SEM1: variants seen among roughly 807,000 people sequenced by gnomAD.
The protein encoded by SEM1 is 26S proteasome complex subunit SEM1.
SEM1 carries 3 observed loss-of-function variants against 12.7 expected under a neutral mutation model. That is an observed-to-expected ratio of 0.24 (90% CI 0.11 to 0.61). The LOEUF (loss-of-function observed/expected upper bound fraction) is 0.61. Among genes scored for constraint, SEM1 ranks in the 20% least tolerant of loss-of-function variants. The pLI, the probability that SEM1 is intolerant of heterozygous loss-of-function variation, is 0.88. For synonymous variants in SEM1, 30 were observed against 27.8 expected (o/e 1.08, Z -0.25); for missense variants, 59 against 81.3 (o/e 0.73, Z 1.06).
At chr7:96,702,921 T>A (rs1172636626) in intron 1 of SEM1, among the ~76,000 whole-genome samples, 1 of 152,198 alleles carries the variant, frequency 6.6e-6, no homozygotes, top group Non-Finnish European at 1.5e-5. Context: ...GCCTGTAGTC[T>A]TCTAAAGTGT....
At chr7:96,673,785 A>T in exon 3 of SEM1, 1 of 765,270 alleles carries the variant, frequency 1.3e-6, no homozygotes, top group Non-Finnish European at 2.4e-6. Flanking sequence ...AGCACTGCAC[A>T]TTCTTCCCTT....
intron 1 of SEM1, among the ~76,000 whole-genome samples, chr7:96,705,885 C>A (rs1563122048): frequency 6.6e-6 from 1 of 151,896 alleles, no homozygotes; most frequent in Non-Finnish European, 1.5e-5. Flanking sequence ...TCACCACCAA[C>A]CTGACCGTAT....
At chr7:96,536,108 C>A (rs942443876) in intron 2 of SEM1, among the ~76,000 whole-genome samples, 4 of 151,872 alleles carry the variant, frequency 2.6e-5, no homozygotes, top group East Asian at 1.9e-4. Context: ...TTCTCTGCAA[C>A]CTCATCAGCA....
chr7:96,579,754 CAT>C (rs1242454389), intron 2 of SEM1, among the ~76,000 whole-genome samples: 1 of 152,094 alleles, frequency 6.6e-6, no homozygotes, highest in South Asian at 2.1e-4. Context: ...TGAAACTACA[CAT>C]GTGATTAAAT....
intron 2 of SEM1, among the ~76,000 whole-genome samples, chr7:96,516,978 C>T (rs1804114312): frequency 6.6e-6 from 1 of 152,048 alleles, no homozygotes; most frequent in South Asian, 2.1e-4. Flanking sequence ...TCTGAAAAGC[C>T]TACATACTGT....
chr7:96,545,183 A>G (rs1805069209), intron 2 of SEM1, among the ~76,000 whole-genome samples: 1 of 151,970 alleles, frequency 6.6e-6, no homozygotes, highest in South Asian at 2.1e-4. Flanking sequence ...TTATGATCCC[A>G]AAGAAAATCT....
intron 2 of SEM1, among the ~76,000 whole-genome samples, chr7:96,666,974 TG>T (rs1423330226): frequency 6.6e-6 from 1 of 152,154 alleles, no homozygotes; most frequent in African/African-American, 2.4e-5. Flanking sequence ...ATATTACTTC[TG>T]CCAAGTAAAA....
chr7:96,682,577 A>G (rs942159198), intron 2 of SEM1, among the ~76,000 whole-genome samples: 2 of 151,978 alleles, frequency 1.3e-5, no homozygotes, highest in African/African-American at 4.8e-5. Flanking sequence ...ACCCTAAAAG[A>G]AAACCTAGGC....
chr7:96,486,490 C>T (rs1802775118), intron 1 of SEM1: 3 of 1,208,086 alleles, frequency 2.5e-6, no homozygotes, highest in South Asian at 1.3e-5. Flanking sequence ...GCACCTGTTC[C>T]ACCTGGCCCT....
chr7:96,548,007 G>A (rs534935632), intron 2 of SEM1, among the ~76,000 whole-genome samples: 1 of 151,768 alleles, frequency 6.6e-6, no homozygotes. Context: ...AGGTACACTG[G>A]GCAAAAAATA....
chr7:96,560,495 AGT>A (rs1174274686), intron 2 of SEM1, among the ~76,000 whole-genome samples: 1 of 152,138 alleles, frequency 6.6e-6, no homozygotes, highest in Non-Finnish European at 1.5e-5. Context: ...TTTGTTTTAT[AGT>A]ACCAACAGTA....
chr7:96,537,678 T>C (rs1367560158), intron 2 of SEM1, among the ~76,000 whole-genome samples: 2 of 151,796 alleles, frequency 1.3e-5, no homozygotes, highest in African/African-American at 4.8e-5. Context: ...TCTTTCAAGA[T>C]TTTTTCTTTG....
chr7:96,552,000 G>A (rs1425341749), intron 2 of SEM1, among the ~76,000 whole-genome samples: 3 of 152,188 alleles, frequency 2.0e-5, no homozygotes, highest in Non-Finnish European at 2.9e-5. Flanking sequence ...CAAGAAGCTA[G>A]TACACAGAGT....
intron 2 of SEM1, among the ~76,000 whole-genome samples, chr7:96,568,187 T>A (rs1805908486): frequency 6.6e-6 from 1 of 151,760 alleles, no homozygotes; most frequent in East Asian, 1.9e-4. Context: ...CTAGATTTTC[T>A]ATCCCTTTTG....
At chr7:96,588,403 A>AC (rs1294899638) in intron 2 of SEM1, among the ~76,000 whole-genome samples, 17 of 150,882 alleles carry the variant, frequency 1.1e-4, no homozygotes, top group African/African-American at 3.9e-4. Context: ...CACACGAGAG[A>AC]GAGAGAGAGA....
intron 2 of SEM1, among the ~76,000 whole-genome samples, chr7:96,677,665 G>T (rs1290070334): frequency 2.6e-5 from 4 of 152,046 alleles, no homozygotes; most frequent in Non-Finnish European, 5.9e-5. Flanking sequence ...CTATTCAGTG[G>T]TCTGGGCTGA....
intron 2 of SEM1, among the ~76,000 whole-genome samples, chr7:96,533,674 A>G (rs116000042): frequency 0.012 from 1,898 of 152,124 alleles, 40 homozygotes; most frequent in African/African-American, 0.044. Context: ...CAATTTTCAA[A>G]GTCCCTGGAG....
chr7:96,630,677 C>T (rs2116332730), intron 2 of SEM1, among the ~76,000 whole-genome samples: 1 of 152,294 alleles, frequency 6.6e-6, no homozygotes, highest in African/African-American at 2.4e-5. Flanking sequence ...TTTACTTTTC[C>T]ATCCTCTGTT....
Position 96,643,194 on chromosome 7 carries a change from C to T in SEM1, c.171-20551G>A, listed in dbSNP as rs116632640. ...TTTCACTCCAGGTTATAAGTGAGAA[C>T]GTGCAGTATTTGGTTTTCTGTTGCT... is the stretch of plus-strand genomic sequence containing the variant. On this transcript the variant is annotated intron_variant, in intron 2 of 2. Coordinates refer to the SEM1 transcript ENST00000417009. Among the ~76,000 whole-genome samples the T allele has an allele frequency of 3.9e-3, 591 of 152,134 alleles. 6 individuals are homozygous for T. Among genetic ancestry groups the T allele is most frequent in the African/African-American group, 0.012 (516 of 41,506 alleles).
Sources: gnomAD v4.1 joint callset for allele counts (sites outside exome capture counted in the v4.1 genomes callset) on GRCh38, gnomAD v4.1.1 for gene constraint, MANE v1.5 for transcripts, NCBI Gene and HGNC (gene_info 2026-07-23, HGNC 2026-07-21) for gene names.